CPM: variants seen among roughly 807,000 people sequenced by gnomAD.
The protein encoded by CPM is carboxypeptidase M, also known as renal carboxypeptidase.
In CPM, 35 loss-of-function variants were observed where a neutral mutation model predicts 46.4. That is an observed-to-expected ratio of 0.75 (90% CI 0.58 to 1.00). The LOEUF (loss-of-function observed/expected upper bound fraction) is 1.00, where lower values mean the gene tolerates loss of function less well. Ranked by LOEUF, CPM falls within the 50% of genes least tolerant of loss-of-function variation. The probability of loss-of-function intolerance (pLI) is 0.00; values close to 1 mark genes in which losing one functional copy is unlikely to be tolerated. For missense variants in CPM, 422 were observed against 530.4 expected (o/e 0.80, Z 2.01); for synonymous variants, 195 against 195.3 (o/e 1.00, Z 0.01).
At chr12:68,946,444 T>C (rs1016849261) in intron 1 of CPM, among the ~76,000 whole-genome samples, 1 of 152,202 alleles carries the variant, frequency 6.6e-6, no homozygotes, top group Non-Finnish European at 1.5e-5. Context: ...CAGCCAAAGA[T>C]TTATTTGTGC....
Position 68,884,158 on chromosome 12 carries a change from G to C in CPM, c.258+1634C>G, listed in dbSNP as rs545993242. On this transcript the variant is annotated intron_variant, in intron 3 of 8. Transcript: ENST00000551568. ...GCATTCTGAGGGACCTTGATCAAGG[G>C]ACCTCGATCAATAGACAAGATAGCA... Among the ~76,000 whole-genome samples the C allele has an allele frequency of 2.1e-4, 32 of 149,436 alleles. No individual in the cohort carries two copies. The South Asian group carries it at 6.6e-3, about 31-fold the overall frequency.
At chr12:68,889,279 C>T (rs1359613634) in intron 2 of CPM, among the ~76,000 whole-genome samples, 3 of 152,118 alleles carry the variant, frequency 2.0e-5, no homozygotes, top group Non-Finnish European at 4.4e-5. Flanking sequence ...TTCTAATCCA[C>T]CTTTTTAAAT....
At chr12:68,875,347 TC>T (rs968698305) in intron 3 of CPM, among the ~76,000 whole-genome samples, 29 of 116,270 alleles carry the variant, frequency 2.5e-4, no homozygotes, top group African/African-American at 8.0e-4. Flanking sequence ...AGAGCAGGAC[TC>T]CACCTCAAAA....
chr12:68,868,849 A>T (rs1401131053), intron 6 of CPM, among the ~76,000 whole-genome samples: 1 of 152,164 alleles, frequency 6.6e-6, no homozygotes, highest in African/African-American at 2.4e-5. Context: ...AATTAGCTAG[A>T]TCTAGTAGCA....
At chr12:68,897,875 C>A (rs1196071909) in intron 2 of CPM, among the ~76,000 whole-genome samples, 1 of 151,930 alleles carries the variant, frequency 6.6e-6, no homozygotes, top group Non-Finnish European at 1.5e-5. Flanking sequence ...CCCTATTGGT[C>A]TCACTCCGTC....
At chr12:68,884,899 C>T (rs1426516896) in intron 3 of CPM, among the ~76,000 whole-genome samples, 1 of 152,058 alleles carries the variant, frequency 6.6e-6, no homozygotes, top group African/African-American at 2.4e-5. Flanking sequence ...TTTATCCCTG[C>T]TAAGTTGGAA....
chr12:68,949,885 C>T (rs1454469815), intron 1 of CPM, among the ~76,000 whole-genome samples: 1 of 152,216 alleles, frequency 6.6e-6, no homozygotes, highest in Non-Finnish European at 1.5e-5. Context: ...TTGCTCCATT[C>T]TCAGACAGCC....
In CPM at chr12:68,906,725, C is replaced by T. The variant is rs546466922; in HGVS notation, c.161-20836G>A. ...CTTGAACTCCTGACTTCAAATGATCCGCCCGCCTCAGCCTCCCAAAGTGCT... is the reference window on the plus strand; with the variant it reads ...CTTGAACTCCTGACTTCAAATGATCTGCCCGCCTCAGCCTCCCAAAGTGCT... On this transcript the variant is annotated intron_variant, in intron 2 of 8. Transcript: ENST00000551568. Among the ~76,000 whole-genome samples, 7 of 152,120 alleles carry T rather than the reference C, an allele frequency of 4.6e-5. No homozygotes were observed. The South Asian group carries it at 1.0e-3, about 22-fold the overall frequency.
At chr12:68,846,422 TGTA>T (rs1224834566), downstream of CPM, 1 of 152,250 alleles carries the variant, frequency 6.6e-6, no homozygotes, top group Admixed American at 6.5e-5. Context: ...CCATTTATTT[TGTA>T]GGTGAATTTC....
At chr12:68,959,971 T>A (rs927756063) in intron 1 of CPM, among the ~76,000 whole-genome samples, 3 of 152,216 alleles carry the variant, frequency 2.0e-5, no homozygotes, top group Non-Finnish European at 2.9e-5. Flanking sequence ...TAAAACCAAA[T>A]GTTACCCTGC....
At chr12:68,912,225 G>A (rs1219529925) in intron 2 of CPM, among the ~76,000 whole-genome samples, 1 of 152,050 alleles carries the variant, frequency 6.6e-6, no homozygotes, top group Non-Finnish European at 1.5e-5. Flanking sequence ...CAGGCTGGTC[G>A]AACTCCTGAC....
chr12:68,904,708 C>T (rs979500353), intron 2 of CPM, among the ~76,000 whole-genome samples: 3 of 152,146 alleles, frequency 2.0e-5, no homozygotes, highest in Non-Finnish European at 4.4e-5. Context: ...GAGGTGGGCA[C>T]AAGATCACAC....
At chr12:68,943,690 C>T (rs367658297) in intron 1 of CPM, among the ~76,000 whole-genome samples, 2 of 152,080 alleles carry the variant, frequency 1.3e-5, no homozygotes, top group Non-Finnish European at 2.9e-5. Context: ...CTAATAAGGC[C>T]GATTTCCAAA....
chr12:68,866,501 G>A (rs899966667), intron 7 of CPM, among the ~76,000 whole-genome samples: 7 of 152,056 alleles, frequency 4.6e-5, no homozygotes, highest in Non-Finnish European at 1.0e-4. Flanking sequence ...GTGCCACCAC[G>A]CCTGGCTAAT....
chr12:68,842,543 A>G (rs1883865871), intron 5 of CPM: 2 of 351,646 alleles, frequency 5.7e-6, no homozygotes, highest in Non-Finnish European at 1.1e-5. Flanking sequence ...AACAGATAAT[A>G]TGGATGTTTG....
At chr12:68,961,530 A>C (rs1385964810) in intron 1 of CPM, among the ~76,000 whole-genome samples, 3 of 152,164 alleles carry the variant, frequency 2.0e-5, no homozygotes, top group African/African-American at 7.2e-5. Context: ...GGGCTCAAGC[A>C]ATCTTCCCAC....
At chr12:68,902,754 C>T (rs986529122) in intron 2 of CPM, among the ~76,000 whole-genome samples, 1 of 152,186 alleles carries the variant, frequency 6.6e-6, no homozygotes, top group African/African-American at 2.4e-5. Context: ...CTCAGACAGC[C>T]TGGGCTTTGA....
intron 2 of CPM, among the ~76,000 whole-genome samples, chr12:68,895,028 CAAAAAAAAAA>C (rs35142646): frequency 3.8e-5 from 3 of 78,242 alleles, no homozygotes; most frequent in Admixed American, 1.6e-4. Context: ...GACTCAGTCT[CAAAAAAAAAA>C]AAAAAAAAAA....
upstream of CPM, among the ~76,000 whole-genome samples, chr12:68,935,558 T>C (rs1412959441): frequency 6.6e-6 from 1 of 152,146 alleles, no homozygotes; most frequent in Non-Finnish European, 1.5e-5. Context: ...CCCAAAGTGC[T>C]GGGATTACAT....
Sources: allele counts gnomAD v4.1 joint callset (sites outside exome capture counted in the v4.1 genomes callset), GRCh38; gene constraint gnomAD v4.1.1; transcripts MANE v1.5; gene names NCBI Gene and HGNC (gene_info 2026-07-23, HGNC 2026-07-21).